Variants in DCC observed in about 807,000 individuals in gnomAD.
DCC encodes the protein netrin receptor DCC.
A neutral mutation model predicts 172.5 loss-of-function variants in DCC; 58 were observed. That is an observed-to-expected ratio of 0.34 (90% CI 0.27 to 0.42). DCC has a LOEUF of 0.42. DCC is among the 10% of genes least tolerant of loss of function. DCC has a pLI of 1.00. For missense variants in DCC, 1,740 were observed against 1,791.0 expected (o/e 0.97, Z 0.51); for synonymous variants, 709 against 644.5 (o/e 1.10, Z -1.52).
chr18:52,343,566 G>A (rs898851507), intron 1 of DCC, among the ~76,000 whole-genome samples: 2 of 152,162 alleles, frequency 1.3e-5, no homozygotes, highest in African/African-American at 4.8e-5. Flanking sequence ...GTTGGCTTCT[G>A]TAAGATGTCA....
At chr18:52,808,190 G>C (rs1177092206) in intron 2 of DCC, among the ~76,000 whole-genome samples, 1 of 152,184 alleles carries the variant, frequency 6.6e-6, no homozygotes, top group Admixed American at 6.5e-5. Flanking sequence ...GAAGTGTTTA[G>C]GCACTATCTA....
chr18:52,693,471 T>TATATAATATA lies in DCC; in HGVS notation c.92-58571_92-58562dup, dbSNP rs537038300. ...ATATCTTTATATCTATGTGTCTGTA[T>TATATAATATA]ATATAATATAATATAATATAACATA... On this transcript the variant is annotated intron_variant, in intron 1 of 28. Transcript: ENST00000442544. 2.4e-4 allele frequency among the ~76,000 whole-genome samples: 35 copies of TATATAATATA among 148,000 alleles called. No individual in the cohort carries two copies. In the East Asian group the frequency reaches 3.3e-3, roughly 14 times the overall value.
intron 27 of DCC, among the ~76,000 whole-genome samples, chr18:53,509,879 G>C (rs2046229507): frequency 6.6e-6 from 1 of 152,172 alleles, no homozygotes; most frequent in African/African-American, 2.4e-5. Flanking sequence ...GAGGCCAAAA[G>C]CTGAGTACTT....
rs111347996 is a variant in DCC, at chr18:53,320,632, C to T, written c.2054-1415C>T. Among the ~76,000 whole-genome samples the T allele has an allele frequency of 3.5e-3, 529 of 152,164 alleles. 1 individual carries two copies. The highest frequency in any genetic ancestry group is 6.6e-3 in the Non-Finnish European group (451 of 67,994). ...GAGCCTACTTAAGGAATGACAAAGG[C>T]CTTATGTTGGAAGCATCTCTTTGCC... is the stretch of plus-strand genomic sequence containing the variant. On this transcript the variant is annotated intron_variant, in intron 13 of 28. Coordinates refer to ENST00000442544, the MANE Select transcript of DCC (RefSeq NM_005215.4).
At chr18:52,955,622 A>G (rs1156556472) in intron 5 of DCC, among the ~76,000 whole-genome samples, 4 of 152,216 alleles carry the variant, frequency 2.6e-5, no homozygotes, top group East Asian at 3.9e-4. Flanking sequence ...AAAATCTGCC[A>G]AACTGTCCTT....
chr18:53,057,608 C>T (rs2042428122), intron 5 of DCC, among the ~76,000 whole-genome samples: 1 of 151,960 alleles, frequency 6.6e-6, no homozygotes, highest in Non-Finnish European at 1.5e-5. Flanking sequence ...AAGGAAAGTA[C>T]AACTGAAATC....
intron 5 of DCC, among the ~76,000 whole-genome samples, chr18:53,038,234 T>C (rs2042121665): frequency 6.6e-6 from 1 of 152,028 alleles, no homozygotes; most frequent in Non-Finnish European, 1.5e-5. Flanking sequence ...TTCTGTTTGA[T>C]ATTTGATACC....
intron 1 of DCC, among the ~76,000 whole-genome samples, chr18:52,640,732 A>C (rs1198302236): frequency 6.6e-6 from 1 of 152,186 alleles, no homozygotes. Context: ...AACAAATGGA[A>C]ACACATCAAA....
At chr18:52,651,776 G>A (rs1531347) in intron 1 of DCC, among the ~76,000 whole-genome samples, 94,036 of 151,962 alleles carry the variant, frequency 0.62, 29,698 homozygotes, top group Non-Finnish European at 0.69. Context: ...ATGAACTACA[G>A]AGAGGAGTTA....
chr18:52,906,971 T>C (rs1438840052), intron 3 of DCC, among the ~76,000 whole-genome samples: 1 of 151,942 alleles, frequency 6.6e-6, no homozygotes, highest in Non-Finnish European at 1.5e-5. Flanking sequence ...TGAAGAGTTC[T>C]CTTTTGTATA....
At chr18:53,517,411 C>T (rs1004965925) in intron 27 of DCC, among the ~76,000 whole-genome samples, 3 of 150,488 alleles carry the variant, frequency 2.0e-5, no homozygotes, top group African/African-American at 7.4e-5. Context: ...AACTAACCTG[C>T]ACAATGTGCA....
rs1466211502 is a variant in DCC, at chr18:53,407,720, TAC to T, written c.2936-2724_2936-2723del. 1.1e-4 allele frequency among the ~76,000 whole-genome samples: 17 copies of T among 151,862 alleles called. No individual in the cohort carries two copies. In the East Asian group the frequency reaches 2.7e-3, roughly 24 times the overall value. ...ATGTATACTCAGAAATGTGTGTATG[TAC>T]ACACACATATATCTCCAGTAGCAGG... On this transcript the variant is annotated intron_variant, in intron 19 of 28. Transcript: ENST00000442544.
chr18:52,456,983 G>T (rs746168517), intron 1 of DCC, among the ~76,000 whole-genome samples: 13 of 151,702 alleles, frequency 8.6e-5, no homozygotes, highest in Non-Finnish European at 1.0e-4. Flanking sequence ...TTCCACTCTG[G>T]TTTGTATTGA....
intron 12 of DCC, among the ~76,000 whole-genome samples, chr18:53,245,501 T>C (rs1232583556): frequency 6.6e-6 from 1 of 152,142 alleles, no homozygotes; most frequent in Non-Finnish European, 1.5e-5. Flanking sequence ...GTTTCTAGCA[T>C]ATGAATAGAA....
intron 1 of DCC, among the ~76,000 whole-genome samples, chr18:52,564,660 A>G (rs1490130719): frequency 4.1e-5 from 4 of 96,508 alleles, no homozygotes; most frequent in African/African-American, 8.2e-5. Flanking sequence ...ATCTTTTATT[A>G]TAATATTGGG....
intron 2 of DCC, among the ~76,000 whole-genome samples, chr18:52,822,897 C>T (rs769251379): frequency 6.6e-6 from 1 of 151,952 alleles, no homozygotes; most frequent in Non-Finnish European, 1.5e-5. Context: ...CCATCTAGGC[C>T]ATTACAGAAA....
chr18:53,390,151 C>G (rs1414483627), intron 16 of DCC, among the ~76,000 whole-genome samples: 1 of 152,148 alleles, frequency 6.6e-6, no homozygotes, highest in Non-Finnish European at 1.5e-5. Context: ...TTTTATAAAT[C>G]TATTTGAGTT....
chr18:53,028,987 C>T (rs945521117), intron 5 of DCC, among the ~76,000 whole-genome samples: 4 of 152,046 alleles, frequency 2.6e-5, no homozygotes, highest in Non-Finnish European at 5.9e-5. Context: ...TGCATATGAG[C>T]CATATTTTGT....
chr18:52,597,323 C>T (rs1349891269), intron 1 of DCC, among the ~76,000 whole-genome samples: 1 of 152,166 alleles, frequency 6.6e-6, no homozygotes, highest in Non-Finnish European at 1.5e-5. Context: ...GAAGTGTTTA[C>T]ACTTTTTCAT....
Sources: allele counts gnomAD v4.1 joint callset (sites outside exome capture counted in the v4.1 genomes callset), GRCh38; gene constraint gnomAD v4.1.1; transcripts MANE v1.5; gene names NCBI Gene and HGNC (gene_info 2026-07-23, HGNC 2026-07-21).